The following UBE2E2 variants were observed in gnomAD, a reference collection of about 807,000 sequenced individuals.
UBE2E2 encodes the protein ubiquitin conjugating enzyme E2 E2.
A neutral mutation model predicts 24.7 loss-of-function variants in UBE2E2; 6 were observed. The ratio of observed to expected loss-of-function variants is 0.24; its 90% CI spans 0.13 to 0.48. The LOEUF (loss-of-function observed/expected upper bound fraction) is 0.48, where lower values mean the gene tolerates loss of function less well. Among genes scored for constraint, UBE2E2 ranks in the 20% least tolerant of loss-of-function variants. The pLI, the probability that UBE2E2 is intolerant of heterozygous loss-of-function variation, is 0.99. For missense variants in UBE2E2, 169 were observed against 245.0 expected, an observed-to-expected ratio of 0.69 and a Z score of 2.07; for synonymous variants, 104 against 83.6, an observed-to-expected ratio of 1.24 and a Z score of -1.33.
intron 3 of UBE2E2, among the ~76,000 whole-genome samples, chr3:23,452,739 A>AG (rs1286874712): frequency 4.6e-5 from 7 of 152,260 alleles, no homozygotes; most frequent in African/African-American, 1.7e-4. Flanking sequence ...CATTCTGTGA[A>AG]AAGGAGGGTA....
intron 3 of UBE2E2, among the ~76,000 whole-genome samples, chr3:23,295,656 AC>A (rs1389684993): frequency 6.6e-6 from 1 of 152,208 alleles, no homozygotes; most frequent in African/African-American, 2.4e-5. Context: ...GGGAATACCT[AC>A]ACGAGAGGGA....
chr3:23,306,615 A>T (rs1219453740), intron 3 of UBE2E2, among the ~76,000 whole-genome samples: 1 of 152,204 alleles, frequency 6.6e-6, no homozygotes, highest in Non-Finnish European at 1.5e-5. Context: ...GATATTGCTT[A>T]GTGGCACTGA....
At chr3:23,368,781 A>T (rs1696326114) in intron 3 of UBE2E2, among the ~76,000 whole-genome samples, 2 of 152,212 alleles carry the variant, frequency 1.3e-5, no homozygotes, top group Admixed American at 1.3e-4. Flanking sequence ...GATTTTCACA[A>T]CAAAAAAGTC....
intron 3 of UBE2E2, among the ~76,000 whole-genome samples, chr3:23,425,967 A>T (rs368956358): frequency 5.5e-4 from 84 of 152,328 alleles, no homozygotes; most frequent in African/African-American, 1.9e-3. Context: ...TAAAACAACT[A>T]TCATTAAAAT....
rs757835090 is a variant in UBE2E2, at chr3:23,334,298, T to C, written c.227+116986T>C. On this transcript the variant is annotated intron_variant, in intron 3 of 5. Transcript: ENST00000396703. ...ACTTACTAGTACTTTGGGGATGATT[T>C]ATTGTATTTTTTTTTTGAGATTATG... Among the ~76,000 whole-genome samples, 97 of 150,076 alleles carry C rather than the reference T, an allele frequency of 6.5e-4. 1 individual carries two copies. Among genetic ancestry groups the C allele is most frequent in the Middle Eastern group, 6.8e-3 (2 of 294 alleles).
At chr3:23,530,141 A>G (rs141709470) in intron 4 of UBE2E2, among the ~76,000 whole-genome samples, 64 of 152,312 alleles carry the variant, frequency 4.2e-4, no homozygotes, top group Non-Finnish European at 7.5e-4. Flanking sequence ...AATAATGTCA[A>G]TTCTTTGAAA....
chr3:23,530,973 A>G (rs546187375), intron 4 of UBE2E2, among the ~76,000 whole-genome samples: 1 of 152,240 alleles, frequency 6.6e-6, no homozygotes, highest in East Asian at 1.9e-4. Context: ...AGATTTTGCT[A>G]TGCATTTTAA....
At chr3:23,284,240 T>A (rs1436624599) in intron 3 of UBE2E2, among the ~76,000 whole-genome samples, 2 of 152,146 alleles carry the variant, frequency 1.3e-5, no homozygotes, top group African/African-American at 2.4e-5. Context: ...GCATAATATT[T>A]ATATTATTGA....
chr3:23,346,067 CCTT>C (rs1244408356), intron 3 of UBE2E2, among the ~76,000 whole-genome samples: 34 of 152,208 alleles, frequency 2.2e-4, no homozygotes. Flanking sequence ...CATTGTATTC[CCTT>C]CTTATTTTTA....
At chr3:23,487,535 C>T (rs1699401881) in intron 3 of UBE2E2, among the ~76,000 whole-genome samples, 1 of 152,210 alleles carries the variant, frequency 6.6e-6, no homozygotes, top group Non-Finnish European at 1.5e-5. Flanking sequence ...GCTACTACCG[C>T]CATCAATAGT....
intron 3 of UBE2E2, among the ~76,000 whole-genome samples, chr3:23,253,181 C>T (rs73823412): frequency 6.6e-6 from 1 of 152,048 alleles, no homozygotes; most frequent in African/African-American, 2.4e-5. Context: ...AAATAATAAT[C>T]GATTTGACTA....
chr3:23,441,227 T>A (rs1698295338), intron 3 of UBE2E2, among the ~76,000 whole-genome samples: 1 of 151,710 alleles, frequency 6.6e-6, no homozygotes, highest in African/African-American at 2.4e-5. Context: ...TATCAAAGAA[T>A]TGGGGAAGGA....
chr3:23,371,140 C>A (rs1696389351), intron 3 of UBE2E2, among the ~76,000 whole-genome samples: 1 of 152,116 alleles, frequency 6.6e-6, no homozygotes, highest in South Asian at 2.1e-4. Flanking sequence ...AGTGATCCTC[C>A]CATTTCAGCA....
intron 3 of UBE2E2, among the ~76,000 whole-genome samples, chr3:23,283,999 T>A (rs545480151): frequency 6.6e-5 from 10 of 152,226 alleles, no homozygotes; most frequent in Admixed American, 2.0e-4. Flanking sequence ...ACAATGTAGT[T>A]GTTTTCCTAC....
chr3:23,374,509 G>C (rs1172150908), intron 3 of UBE2E2, among the ~76,000 whole-genome samples: 2 of 152,164 alleles, frequency 1.3e-5, no homozygotes, highest in Admixed American at 1.3e-4. Context: ...AATTATTATA[G>C]TTAATGGCCT....
At chr3:23,391,882 C>T (rs1381285791) in intron 3 of UBE2E2, among the ~76,000 whole-genome samples, 2 of 151,994 alleles carry the variant, frequency 1.3e-5, no homozygotes, top group Non-Finnish European at 2.9e-5. Flanking sequence ...TGATTTAAGA[C>T]GTTATTACCC....
At chr3:23,209,039 G>T (rs972404147) in intron 2 of UBE2E2, among the ~76,000 whole-genome samples, 164 bp downstream of exon 2, 1 of 152,086 alleles carries the variant, frequency 6.6e-6, no homozygotes, top group Non-Finnish European at 1.5e-5. Flanking sequence ...TAACCATAGG[G>T]AACTTCAGTA....
chr3:23,312,309 T>G (rs749642115), intron 3 of UBE2E2, among the ~76,000 whole-genome samples: 15 of 152,192 alleles, frequency 9.9e-5, no homozygotes, highest in Non-Finnish European at 2.2e-4. Flanking sequence ...CATGAGATAT[T>G]TTGATGCAGG....
At chr3:23,292,987 C>T (rs759774189) in intron 3 of UBE2E2, among the ~76,000 whole-genome samples, 1 of 152,132 alleles carries the variant, frequency 6.6e-6, no homozygotes, top group African/African-American at 2.4e-5. Flanking sequence ...GCAGGAGAAT[C>T]GCTTGAACCT....
Sources: gnomAD v4.1 joint callset for allele counts (sites outside exome capture counted in the v4.1 genomes callset) on GRCh38, gnomAD v4.1.1 for gene constraint, MANE v1.5 for transcripts, NCBI Gene and HGNC (gene_info 2026-07-23, HGNC 2026-07-21) for gene names.